Variants in TNRC18 observed in about 807,000 individuals in gnomAD.
TNRC18 encodes the protein trinucleotide repeat containing 18.
A neutral mutation model predicts 226.7 loss-of-function variants in TNRC18; 69 were observed. That is an observed-to-expected ratio of 0.30 (90% confidence interval 0.25 to 0.37). TNRC18 has a LOEUF of 0.37. Ranked by LOEUF, TNRC18 falls within the 10% of genes least tolerant of loss-of-function variation. The pLI, the probability that TNRC18 is intolerant of heterozygous loss-of-function variation, is 1.00. For synonymous variants in TNRC18, 2,449 were observed against 1,927.6 expected (o/e 1.27, Z -7.09); for missense variants, 4,754 against 4,256.6 (o/e 1.12, Z -3.25).
At chr7:5,401,228 G>GA (rs56294492) in intron 2 of TNRC18, among the ~76,000 whole-genome samples, 22,305 of 129,162 alleles carry the variant, frequency 0.17, 3,651 homozygotes, top group African/African-American at 0.43. Context: ...GGTTCGAGTC[G>GA]GGGGGGGGCG....
Position 5,374,167 on chromosome 7 carries a change from T to TGGGGAGGCGGGCGGC in TNRC18, c.3102_3116dup (p.Ala1037_Pro1041dup). The TGGGGAGGCGGGCGGC allele has an allele frequency of 2.3e-6, 1 of 432,262 alleles. No individual in the cohort carries two copies. Among genetic ancestry groups the TGGGGAGGCGGGCGGC allele is most frequent in the Non-Finnish European group, 2.7e-6 (1 of 376,018 alleles). The allele number at this position is 432,262 out of a possible 1,614,324, so 26.8% of individuals were successfully genotyped here. On this transcript the variant is annotated inframe_insertion, in exon 10 of 30. Coordinates refer to ENST00000430969, the MANE Select transcript of TNRC18 (RefSeq NM_001080495.3). ...TGCGGGTGATACCCGGGGTGGGCGG[T>TGGGGAGGCGGGCGGC]GGGGAGGCGGGCGGCGGGCTGGTGG...
chr7:5,365,985 C>T (rs936473753), intron 11 of TNRC18, among the ~76,000 whole-genome samples: 5 of 152,114 alleles, frequency 3.3e-5, no homozygotes, highest in Admixed American at 6.6e-5. Context: ...GCAGGAGAGT[C>T]GCTTGAACCT....
At chr7:5,395,076 GA>G (rs1780578387) in intron 2 of TNRC18, among the ~76,000 whole-genome samples, 2 of 152,236 alleles carry the variant, frequency 1.3e-5, no homozygotes, top group African/African-American at 4.8e-5. Flanking sequence ...TCCAGCCAGA[GA>G]ATCACCTCCC....
chr7:5,402,346 C>T (rs1781164879), intron 2 of TNRC18, among the ~76,000 whole-genome samples: 1 of 151,270 alleles, frequency 6.6e-6, no homozygotes, highest in Non-Finnish European at 1.5e-5. Flanking sequence ...CCAGCCTGGG[C>T]AACACGGTGA....
intron 18 of TNRC18, among the ~76,000 whole-genome samples, chr7:5,337,045 G>T (rs930201064): frequency 1.3e-5 from 2 of 152,152 alleles, no homozygotes; most frequent in African/African-American, 4.8e-5. Context: ...TAAACACCAA[G>T]CAAAATAAAC....
At chr7:5,332,580 C>G in intron 19 of TNRC18, 42 bp downstream of exon 19, 8 of 1,500,334 alleles carry the variant, frequency 5.3e-6, no homozygotes, top group Non-Finnish European at 7.1e-6. Flanking sequence ...CACGGAACCC[C>G]AGGGACCCTT....
chr7:5,383,459 C>T (rs1447026559), intron 5 of TNRC18, among the ~76,000 whole-genome samples: 1 of 152,162 alleles, frequency 6.6e-6, no homozygotes, highest in Non-Finnish European at 1.5e-5. Context: ...GTCAGCCCAC[C>T]CAGCATCAAG....
At chr7:5,333,418 G>A (rs372650839) in intron 18 of TNRC18, among the ~76,000 whole-genome samples, 3 of 152,214 alleles carry the variant, frequency 2.0e-5, no homozygotes, top group Admixed American at 6.5e-5. Context: ...GCAGGCAGGC[G>A]GGGAAACCCG....
At chr7:5,376,680 A>G (rs910994994) in intron 8 of TNRC18, among the ~76,000 whole-genome samples, 167 bp downstream of exon 8, 13 of 152,132 alleles carry the variant, frequency 8.5e-5, no homozygotes, top group African/African-American at 3.1e-4. Context: ...CAAGGACCCC[A>G]AGGCTTTACA....
At chr7:5,386,973 C>T (rs945959246) in intron 5 of TNRC18, among the ~76,000 whole-genome samples, 9 of 152,154 alleles carry the variant, frequency 5.9e-5, no homozygotes, top group South Asian at 2.1e-4. Flanking sequence ...ACTCTGGAGG[C>T]TGAGCCAGGA....
In TNRC18 at chr7:5,387,998, T is replaced by A; in HGVS notation, c.1826A>T (p.Lys609Met). The A allele has an allele frequency of 6.3e-7, 1 of 1,587,912 alleles. No individual in the cohort carries two copies. Among genetic ancestry groups the A allele is most frequent in the East Asian group, 2.3e-5 (1 of 43,488 alleles). The stretch of plus-strand genomic sequence containing the variant: ...GCCCAAACCTCCAAAGGGGCTCTTC[T>A]TGCCACAGCCACCAGGGCGCACGGC... ...AVAVRPGGCG[K>M]KSPFGGLGTM... The change falls in exon 5 of 30, where the codon AAG (lysine) becomes ATG (methionine). Residue 609 changes from lysine to methionine, a missense_variant. Physicochemically the swap from Lys to Met is moderately conservative, Grantham distance 95 (BLOSUM62 -1). Coordinates refer to ENST00000430969, the MANE Select transcript of TNRC18 (RefSeq NM_001080495.3).
chr7:5,322,006 G>A (rs1217316043), intron 21 of TNRC18, among the ~76,000 whole-genome samples: 9 of 151,674 alleles, frequency 5.9e-5, no homozygotes, highest in Admixed American at 1.3e-4. Flanking sequence ...CAAGCCAGGC[G>A]CGATGGCTCA....
At position 5,401,992 on chromosome 7, in the gene TNRC18, G is replaced by A. The variant is rs189431035; in HGVS notation, c.188-7397C>T. Among the ~76,000 whole-genome samples the A allele has an allele frequency of 4.6e-3, 696 of 151,596 alleles. 5 individuals are homozygous for A. The highest frequency in any genetic ancestry group is 0.015 in the African/African-American group (614 of 41,320). On this transcript the variant is annotated intron_variant, in intron 2 of 29. Coordinates refer to ENST00000430969, the MANE Select transcript of TNRC18 (RefSeq NM_001080495.3). ...AGATCAAGACCATCCTGGCTAACAC[G>A]GTGAAACCCCGTCTCTACTAAAAAC... is the stretch of plus-strand genomic sequence containing the variant.
intron 2 of TNRC18, among the ~76,000 whole-genome samples, chr7:5,404,577 A>C (rs1376780542): frequency 6.6e-6 from 1 of 152,134 alleles, no homozygotes; most frequent in Non-Finnish European, 1.5e-5. Context: ...GAGCCAATTC[A>C]TCTCCAGCTT....
In TNRC18 at chr7:5,388,331, G is replaced by A. The variant is rs974731330; in HGVS notation, c.1493C>T (p.Pro498Leu). Residue 498 changes from proline to leucine, a missense_variant, in exon 5 of 30, where the codon CCC (proline) becomes CTC (leucine). Coordinates refer to ENST00000430969, the MANE Select transcript of TNRC18 (RefSeq NM_001080495.3). The part of the protein sequence containing the change: ...QQAAKLFGLE[P>L]GRPPPTGPEH... ...AGGGCCGGTGGGCGGGGGGCGCCCG[G>A]GCTCCAGGCCGAAGAGCTTGGCGGC... 2.5e-6 allele frequency: 4 copies of A among 1,597,740 alleles called. No homozygotes were observed. The highest frequency in any genetic ancestry group is 1.7e-4 in the Middle Eastern group (1 of 6,022).
chr7:5,344,219 T>A (rs1790943613), intron 18 of TNRC18, among the ~76,000 whole-genome samples: 2 of 152,102 alleles, frequency 1.3e-5, no homozygotes, highest in Admixed American at 6.6e-5. Context: ...GTGGACAGGA[T>A]AATGTTGTCC....
intron 18 of TNRC18, among the ~76,000 whole-genome samples, chr7:5,340,347 C>T (rs1034230706): frequency 1.3e-5 from 2 of 152,176 alleles, no homozygotes; most frequent in African/African-American, 4.8e-5. Flanking sequence ...CACAGCAAGG[C>T]CCCAACTCTC....
chr7:5,345,528 C>CCCCCCCCCCCCCCCCCCA, intron 18 of TNRC18, 34 bp downstream of exon 18: 1 of 534,162 alleles, frequency 1.9e-6, no homozygotes, highest in Non-Finnish European at 2.7e-6. Flanking sequence ...CCCCTCCCAC[C>CCCCCCCCCCCCCCCCCCA]CACCCCCACC....
At chr7:5,314,387 C>T (rs35334364) in intron 26 of TNRC18, among the ~76,000 whole-genome samples, 25,947 of 151,896 alleles carry the variant, frequency 0.17, 2,833 homozygotes, top group Middle Eastern at 0.29. Context: ...GGCCCCAAAG[C>T]GGGTCCTCCT....
Sources: gnomAD v4.1 joint callset for allele counts (sites outside exome capture counted in the v4.1 genomes callset) on GRCh38, gnomAD v4.1.1 for gene constraint, MANE v1.5 for transcripts, NCBI Gene and HGNC (gene_info 2026-07-23, HGNC 2026-07-21) for gene names.